Variants in TMTC2 observed in about 807,000 individuals in gnomAD.
TMTC2 encodes the protein transmembrane O-mannosyltransferase targeting cadherins 2, also known as protein O-mannosyl-transferase TMTC2.
In TMTC2, 43 loss-of-function variants were observed where a neutral mutation model predicts 82.4. The observed-to-expected ratio is 0.52, with a 90% CI of 0.41 to 0.67. The LOEUF is 0.67. Among genes scored for constraint, TMTC2 ranks in the 30% least tolerant of loss-of-function variants. The pLI, the probability that TMTC2 is intolerant of heterozygous loss-of-function variation, is 0.00. For missense variants in TMTC2, 919 were observed against 1,012.4 expected (o/e 0.91, Z 1.25); for synonymous variants, 408 against 381.9 (o/e 1.07, Z -0.80).
At chr12:82,730,832 A>C (rs1170794657) in intron 1 of TMTC2, among the ~76,000 whole-genome samples, 2 of 152,194 alleles carry the variant, frequency 1.3e-5, no homozygotes, top group Admixed American at 1.3e-4. Flanking sequence ...CTACTTAGAA[A>C]TTGTGAGATA....
At chr12:82,869,561 C>T (rs554251318) in intron 2 of TMTC2, among the ~76,000 whole-genome samples, 12 of 152,126 alleles carry the variant, frequency 7.9e-5, no homozygotes, top group Admixed American at 3.3e-4. Context: ...AATTTGAGGC[C>T]GGGCATGGTG....
chr12:83,022,962 G>T (rs1881002284), intron 8 of TMTC2, among the ~76,000 whole-genome samples: 1 of 152,126 alleles, frequency 6.6e-6, no homozygotes, highest in Admixed American at 6.5e-5. Flanking sequence ...CATGCTAGCG[G>T]ACATTGAGTT....
intron 1 of TMTC2, among the ~76,000 whole-genome samples, chr12:82,829,797 AAGG>A (rs1592556688): frequency 1.3e-5 from 2 of 152,138 alleles, no homozygotes; most frequent in East Asian, 3.9e-4. Flanking sequence ...CTAAACTTTG[AAGG>A]AGGAGAGAGG....
intron 1 of TMTC2, among the ~76,000 whole-genome samples, chr12:82,795,483 T>C (rs1359643428): frequency 1.3e-5 from 2 of 152,026 alleles, no homozygotes; most frequent in Admixed American, 6.6e-5. Context: ...AAAAGAACAT[T>C]GGTTTCCACA....
intron 9 of TMTC2, among the ~76,000 whole-genome samples, chr12:83,050,019 A>G (rs902268204): frequency 2.6e-5 from 4 of 152,182 alleles, no homozygotes; most frequent in Non-Finnish European, 4.4e-5. Flanking sequence ...TCATTTTTAT[A>G]ACTATTTTTA....
chr12:82,994,789 A>G (rs568215160), intron 8 of TMTC2, among the ~76,000 whole-genome samples: 2 of 152,322 alleles, frequency 1.3e-5, no homozygotes, highest in African/African-American at 4.8e-5. Flanking sequence ...GAAATTCACA[A>G]TAAAAGTCAG....
At chr12:82,960,730 A>G (rs1877883747) in intron 4 of TMTC2, among the ~76,000 whole-genome samples, 1 of 152,036 alleles carries the variant, frequency 6.6e-6, no homozygotes, top group Admixed American at 6.6e-5. Flanking sequence ...ACCGGAAACC[A>G]CAGCATCATG....
rs1328882707 is a variant in TMTC2 at position 82,937,704 on chromosome 12, G to GTGTGTC, written c.1598+7164_1598+7165insCTGTGT. ...AACATTTTGAACAAATGTCAATGGTGTGTGTGTGTGTGTGTGTGTGTGTGG... is the reference window on the plus strand; with the variant it reads ...AACATTTTGAACAAATGTCAATGGTGTGTGTCTGTGTGTGTGTGTGTGTGTGTGTGG... On this transcript the variant is annotated intron_variant, in intron 4 of 11. Transcript: ENST00000321196. Among the ~76,000 whole-genome samples, 124 of 38,716 alleles carry GTGTGTC rather than the reference G, an allele frequency of 3.2e-3. 3 individuals are homozygous for GTGTGTC. The highest frequency in any genetic ancestry group is 6.3e-3 in the African/African-American group (122 of 19,454). The allele number at this position is 38,716 out of a possible 152,430, so 25.4% of individuals were successfully genotyped here. A position where few individuals can be genotyped will look rare whatever the true frequency, so the allele number is the denominator to read the frequency against.
At chr12:82,792,846 T>G (rs1294621772) in intron 1 of TMTC2, among the ~76,000 whole-genome samples, 1 of 152,090 alleles carries the variant, frequency 6.6e-6, no homozygotes. Context: ...CATCTTTTAT[T>G]TTTTGAAGAT....
At chr12:82,974,369 A>G (rs567369840) in intron 7 of TMTC2, among the ~76,000 whole-genome samples, 1 of 152,370 alleles carries the variant, frequency 6.6e-6, no homozygotes, top group African/African-American at 2.4e-5. Context: ...TTGTGATTTT[A>G]TGTTACACCT....
intron 11 of TMTC2, among the ~76,000 whole-genome samples, chr12:83,116,645 G>A (rs1884771651): frequency 6.6e-6 from 1 of 152,150 alleles, no homozygotes; most frequent in South Asian, 2.1e-4. Context: ...GAGTAAGGTG[G>A]TATCTCATTG....
chr12:82,857,349 T>A lies in TMTC2; in HGVS notation c.423T>A (p.Asp141Glu), dbSNP rs376945291. ...EAVAGIVGRADVGASLFFLLS... is the reference protein window; with the variant it reads ...EAVAGIVGRAEVGASLFFLLS... ...TGGCAGGAATCGTGGGACGAGCCGA[T>A]GTCGGGGCCAGTCTCTTCTTTCTCC... The change falls in exon 2 of 12, where the codon GAT becomes GAA. Residue 141 changes from aspartate to glutamate, a missense_variant. Asp to Glu is a conservative substitution (Grantham distance 45). Transcript: ENST00000321196. 3.7e-6 allele frequency: 6 copies of A among 1,614,064 alleles called. No homozygotes were observed. Among genetic ancestry groups the A allele is most frequent in the Admixed American group, 1.7e-5 (1 of 59,996 alleles).
At chr12:83,128,665 C>T (rs1262552088) in intron 11 of TMTC2, among the ~76,000 whole-genome samples, 1 of 152,080 alleles carries the variant, frequency 6.6e-6, no homozygotes, top group African/African-American at 2.4e-5. Context: ...AATTTAAATT[C>T]TGATTCAGTA....
At chr12:82,954,203 A>T (rs1231524667) in intron 4 of TMTC2, among the ~76,000 whole-genome samples, 1 of 151,964 alleles carries the variant, frequency 6.6e-6, no homozygotes, top group South Asian at 2.1e-4. Flanking sequence ...ATCCTCTGTA[A>T]CTCTTGAGTT....
intron 7 of TMTC2, among the ~76,000 whole-genome samples, chr12:82,971,863 C>T (rs2137314246): frequency 6.6e-6 from 1 of 151,740 alleles, no homozygotes. Context: ...AGGCAGCAGA[C>T]ATATGAAATG....
intron 1 of TMTC2, among the ~76,000 whole-genome samples, chr12:82,854,444 C>G (rs1871147283): frequency 6.6e-6 from 1 of 152,044 alleles, no homozygotes; most frequent in African/African-American, 2.4e-5. Flanking sequence ...CATATGTGCT[C>G]CACTCAGCAG....
chr12:82,806,538 C>A (rs1352445290), intron 1 of TMTC2, among the ~76,000 whole-genome samples: 1 of 152,126 alleles, frequency 6.6e-6, no homozygotes, highest in Non-Finnish European at 1.5e-5. Flanking sequence ...AAGCTCCGTG[C>A]AGTCGAAAAT....
At chr12:82,880,969 C>T (rs1872791724) in intron 2 of TMTC2, among the ~76,000 whole-genome samples, 1 of 152,188 alleles carries the variant, frequency 6.6e-6, no homozygotes, top group East Asian at 1.9e-4. Flanking sequence ...TTTGAAGACT[C>T]ATGAGAGATT....
chr12:83,099,984 A>G (rs1291093788), intron 11 of TMTC2, among the ~76,000 whole-genome samples: 2 of 152,060 alleles, frequency 1.3e-5, no homozygotes, highest in East Asian at 3.9e-4. Flanking sequence ...CAGTCGCGCA[A>G]TCTCGGCTCA....
Sources: gnomAD v4.1 joint callset for allele counts (sites outside exome capture counted in the v4.1 genomes callset) on GRCh38, gnomAD v4.1.1 for gene constraint, MANE v1.5 for transcripts, NCBI Gene and HGNC (gene_info 2026-07-23, HGNC 2026-07-21) for gene names.